Variants in GRIN2A observed in about 807,000 individuals in gnomAD.
GRIN2A encodes the protein glutamate receptor ionotropic, NMDA 2A.
A neutral mutation model predicts 113.4 loss-of-function variants in GRIN2A; 22 were observed. The observed-to-expected ratio is 0.19, with a 90% CI of 0.14 to 0.28. The LOEUF (loss-of-function observed/expected upper bound fraction) is 0.28. GRIN2A is among the 10% of genes least tolerant of loss of function. The pLI, the probability that GRIN2A is intolerant of heterozygous loss-of-function variation, is 1.00. For missense variants in GRIN2A, 1,502 were observed against 1,887.0 expected (o/e 0.80, Z 3.78); for synonymous variants, 827 against 738.4 (o/e 1.12, Z -1.94).
At chr16:9,857,888 G>A (rs1192483935) in intron 4 of GRIN2A, among the ~76,000 whole-genome samples, 1 of 152,180 alleles carries the variant, frequency 6.6e-6, no homozygotes, top group Non-Finnish European at 1.5e-5. Flanking sequence ...TTTTTACCAT[G>A]TCAGTAGTTT....
At chr16:9,797,503 T>C (rs2010683538) in intron 11 of GRIN2A, among the ~76,000 whole-genome samples, 2 of 152,238 alleles carry the variant, frequency 1.3e-5, no homozygotes, top group Non-Finnish European at 2.9e-5. Context: ...TTTACAGTTC[T>C]ATAAATGCCA....
At chr16:10,022,506 T>A (rs926447180) in intron 2 of GRIN2A, among the ~76,000 whole-genome samples, 1 of 152,204 alleles carries the variant, frequency 6.6e-6, no homozygotes, top group African/African-American at 2.4e-5. Flanking sequence ...GCTAGTTTCA[T>A]TTTCCTCTAC....
rs1328846513 is a variant in GRIN2A, at chr16:9,768,895, C to G, written c.2551G>C (p.Gly851Arg). 1.2e-6 allele frequency: 2 copies of G among 1,614,182 alleles called. No homozygotes were observed. Among genetic ancestry groups the G allele is most frequent in the Non-Finnish European group, 1.7e-6 (2 of 1,180,020 alleles). ...AACCCAGGCCGGTCGGAGCACACGCCCGTGAAACAGAAGCGCAGCTTCCAG... is the reference window on the plus strand; with the variant it reads ...AACCCAGGCCGGTCGGAGCACACGCGCGTGAAACAGAAGCGCAGCTTCCAG... ...FYWKLRFCFT[G>R]VCSDRPGLLF... is the part of the protein sequence containing the mutation. The change falls in exon 12 of 13, where the codon GGC (glycine) becomes CGC (arginine). Residue 851 changes from glycine to arginine, a missense_variant. Around this residue, in one of 7 missense-constraint regions of GRIN2A, gnomAD observed 832 missense variants for 789.7 expected, o/e 1.05. Transcript: ENST00000330684.
At chr16:9,959,019 T>C (rs574824404) in intron 2 of GRIN2A, among the ~76,000 whole-genome samples, 1 of 152,344 alleles carries the variant, frequency 6.6e-6, no homozygotes, top group South Asian at 2.1e-4. Context: ...GTTCAGCTTA[T>C]GCCCCAAATT....
At chr16:9,988,284 C>CGTGTGTGCGTGTGT (rs1555461882) in intron 2 of GRIN2A, among the ~76,000 whole-genome samples, 2 of 146,840 alleles carry the variant, frequency 1.4e-5, no homozygotes, top group African/African-American at 2.5e-5. Flanking sequence ...TGTGTGTGTG[C>CGTGTGTGCGTGTGT]GTGTGTGTGT....
intron 2 of GRIN2A, among the ~76,000 whole-genome samples, chr16:10,039,111 G>A (rs2047092711): frequency 6.6e-6 from 1 of 152,108 alleles, no homozygotes; most frequent in Non-Finnish European, 1.5e-5. Context: ...CCGCCCGGCA[G>A]GGAGCAGACA....
Position 9,763,485 on chromosome 16 carries a change from C to G in GRIN2A, c.4059G>C (p.Arg1353Ser), listed in dbSNP as rs1187451026. The change falls in exon 13 of 13, where the codon AGG becomes AGC. Residue 1353 changes from arginine to serine, a missense_variant. This residue lies in a region of GRIN2A where 832 missense variants were observed against 789.7 expected (regional missense o/e 1.05). Coordinates refer to ENST00000330684, the MANE Select transcript of GRIN2A (RefSeq NM_001134407.3). Reference sequence around the variant, plus strand: ...TGTGGTCTGGCAAGAGAGACTTGCTCCTCTTGCTGTCCTCCAGACCTTGGG... The same window carrying G: ...TGTGGTCTGGCAAGAGAGACTTGCTGCTCTTGCTGTCCTCCAGACCTTGGG... Reference protein sequence around the residue: ...LFPQGLEDSKRSKSLLPDHTS... With the variant: ...LFPQGLEDSKSSKSLLPDHTS... 1.2e-6 allele frequency: 2 copies of G among 1,613,738 alleles called. No homozygotes were observed. The highest frequency in any genetic ancestry group is 1.7e-6 in the Non-Finnish European group (2 of 1,179,892).
At chr16:9,774,256 C>T (rs1901465606) in intron 11 of GRIN2A, among the ~76,000 whole-genome samples, 1 of 152,172 alleles carries the variant, frequency 6.6e-6, no homozygotes, top group South Asian at 2.1e-4. Context: ...TACTGTCCAG[C>T]AAATTACAAG....
At position 10,049,089 on chromosome 16, in the gene GRIN2A, T is replaced by C. The variant is rs532592996; in HGVS notation, c.415-110538A>G. Among the ~76,000 whole-genome samples the C allele has an allele frequency of 1.3e-3, 205 of 152,312 alleles. 2 individuals carry two copies. The highest frequency in any genetic ancestry group is 4.6e-3 in the African/African-American group (192 of 41,562). On this transcript the variant is annotated intron_variant, in intron 2 of 12. Transcript: ENST00000330684. ...ATAACAGTATTTTAATTTCCTGATA[T>C]GACACACTCCATACTGAAATTACCC... is the stretch of plus-strand genomic sequence containing the variant.
intron 2 of GRIN2A, among the ~76,000 whole-genome samples, chr16:10,067,684 G>C (rs771856827): frequency 1.1e-4 from 17 of 152,130 alleles, no homozygotes; most frequent in Non-Finnish European, 2.2e-4. Flanking sequence ...GCAGATGGGA[G>C]GCTGAGATTA....
intron 4 of GRIN2A, among the ~76,000 whole-genome samples, chr16:9,870,174 C>G (rs2141423010): frequency 6.6e-6 from 1 of 152,288 alleles, no homozygotes; most frequent in South Asian, 2.1e-4. Flanking sequence ...TTTCACTCTA[C>G]CAATAAATCC....
chr16:9,842,499 A>G (rs571521085), intron 5 of GRIN2A, among the ~76,000 whole-genome samples: 5 of 152,342 alleles, frequency 3.3e-5, no homozygotes, highest in African/African-American at 9.6e-5. Flanking sequence ...AGTGATGTCT[A>G]TGGAAATCCA....
chr16:9,841,926 A>G lies in GRIN2A; in HGVS notation c.1329-822T>C, dbSNP rs1211084683. On this transcript the variant is annotated intron_variant, in intron 5 of 12. Transcript: ENST00000330684. ...ATTCACCTGAACAAGACATATTCAA[A>G]GGACACCCAGGCAAACCAGAAAAAT... is the stretch of plus-strand genomic sequence containing the variant. Among the ~76,000 whole-genome samples the G allele has an allele frequency of 2.0e-5, 3 of 152,322 alleles. No individual in the cohort carries two copies. The East Asian group carries it at 5.8e-4, about 29-fold the overall frequency.
intron 3 of GRIN2A, among the ~76,000 whole-genome samples, chr16:9,910,534 G>GTTTTTT (rs2044112532): frequency 7.2e-6 from 1 of 138,824 alleles, no homozygotes. Flanking sequence ...AAGTCTCAGA[G>GTTTTTT]TTCTTTTTTT....
chr16:9,967,221 A>G (rs545433311), intron 2 of GRIN2A, among the ~76,000 whole-genome samples: 1 of 152,362 alleles, frequency 6.6e-6, no homozygotes, highest in East Asian at 1.9e-4. Context: ...TGAGTGGATC[A>G]AGAAAATGTG....
intron 4 of GRIN2A, among the ~76,000 whole-genome samples, chr16:9,877,521 C>T (rs1037171741): frequency 6.6e-6 from 1 of 152,014 alleles, no homozygotes; most frequent in African/African-American, 2.4e-5. Flanking sequence ...AAGGAATCAG[C>T]ATTCAAGGGA....
At chr16:9,778,446 C>T (rs758564365) in intron 11 of GRIN2A, among the ~76,000 whole-genome samples, 2 of 152,224 alleles carry the variant, frequency 1.3e-5, no homozygotes, top group Non-Finnish European at 2.9e-5. Flanking sequence ...CAATAGTCCT[C>T]AAAATCTGAT....
chr16:10,055,046 T>TAAAAAAAAAAAAAAAAAAA (rs1567266287), intron 2 of GRIN2A, among the ~76,000 whole-genome samples: 10 of 12,490 alleles, frequency 8.0e-4, no homozygotes, highest in Non-Finnish European at 1.2e-3. Context: ...AGACTCTATC[T>TAAAAAAAAAAAAAAAAAAA]CAAAAAAAAA....
chr16:9,874,670 C>T (rs1036799866), intron 4 of GRIN2A, among the ~76,000 whole-genome samples: 3 of 152,174 alleles, frequency 2.0e-5, no homozygotes, highest in Admixed American at 2.0e-4. Flanking sequence ...AGAATCTAGA[C>T]TTTGCCATAT....
Sources: gnomAD v4.1 joint callset for allele counts (sites outside exome capture counted in the v4.1 genomes callset) on GRCh38, gnomAD v4.1.1 for gene constraint, gnomAD v4.1.1 regional missense constraint, MANE v1.5 for transcripts, NCBI Gene and HGNC (gene_info 2026-07-23, HGNC 2026-07-21) for gene names.